The following CD300A variants were observed in gnomAD, a reference collection of about 807,000 sequenced individuals.
The protein encoded by CD300A is CD300a molecule.
A neutral mutation model predicts 33.6 loss-of-function variants in CD300A; 22 were observed. The observed-to-expected ratio is 0.66, with a 90% CI of 0.47 to 0.94. The LOEUF (loss-of-function observed/expected upper bound fraction) is 0.94, where lower values mean the gene tolerates loss of function less well. Ranked by LOEUF, CD300A falls within the 40% of genes least tolerant of loss-of-function variation. CD300A has a pLI of 0.00. For missense variants in CD300A, 326 were observed against 360.5 expected (o/e 0.90, Z 0.77); for synonymous variants, 136 against 148.1 (o/e 0.92, Z 0.59).
At chr17:74,466,989 A>G in intron 1 of CD300A, 2 of 1,400,244 alleles carry the variant, frequency 1.4e-6, no homozygotes, top group East Asian at 2.6e-5. Context: ...GGCAAGTGAT[A>G]AGGGGTGGGT....
intron 4 of CD300A, among the ~76,000 whole-genome samples, chr17:74,479,043 T>TC (rs1906662367): frequency 6.6e-6 from 1 of 151,950 alleles, no homozygotes; most frequent in South Asian, 2.1e-4. Context: ...AAGAGCCTCC[T>TC]CCCCCCTTGA....
In CD300A at chr17:74,484,282, C is replaced by T; in HGVS notation, c.*156C>T. 1 of 773,686 alleles carries T rather than the reference C, an allele frequency of 1.3e-6. No individual in the cohort carries two copies. The highest frequency in any genetic ancestry group is 2.0e-6 in the Non-Finnish European group (1 of 500,252). 47.9% of individuals were successfully genotyped at this position (773,686 alleles called of 1,614,324 possible). On this transcript the variant is annotated 3_prime_UTR_variant, in exon 7 of 7. Transcript: ENST00000360141. ...TCCCAGGCCATCCCTCTGTTGCCAT[C>T]AGCTTGATTGGCTTCCCCGAGGGCC...
chr17:74,472,475 A>C (rs1329763541), intron 1 of CD300A, among the ~76,000 whole-genome samples: 1 of 152,146 alleles, frequency 6.6e-6, no homozygotes, highest in African/African-American at 2.4e-5. Flanking sequence ...TGCATCTGAT[A>C]ATTATTTGGG....
At chr17:74,476,871 G>A (rs893153442) in intron 3 of CD300A, among the ~76,000 whole-genome samples, 2 of 152,172 alleles carry the variant, frequency 1.3e-5, no homozygotes, top group African/African-American at 2.4e-5. Context: ...AGTGTTAGAC[G>A]AGGCCTCCTT....
At chr17:74,481,874 G>T in intron 6 of CD300A, 41 bp downstream of exon 6, 2 of 1,480,524 alleles carry the variant, frequency 1.4e-6, no homozygotes, top group Middle Eastern at 2.0e-4. Context: ...CGGCCCCTGG[G>T]CTGTGCCAGG....
Position 74,475,414 on chromosome 17 carries a change from G to A in CD300A, c.533+729G>A, listed in dbSNP as rs201469960. 2.2e-4 allele frequency among the ~76,000 whole-genome samples: 34 copies of A among 152,240 alleles called. 1 individual carries two copies. The East Asian group carries it at 3.9e-3, about 17-fold the overall frequency. On this transcript the variant is annotated intron_variant, in intron 3 of 6. Transcript: ENST00000360141. ...ACAGATGAGTAAACTGAGACTCAGC[G>A]AGGTGAAGCAATTTGCCCAGTCAAG...
At chr17:74,477,116 C>T (rs1424240001) in intron 3 of CD300A, among the ~76,000 whole-genome samples, 1 of 152,062 alleles carries the variant, frequency 6.6e-6, no homozygotes, top group African/African-American at 2.4e-5. Flanking sequence ...CCTGTCATCC[C>T]AGCATTTTGG....
In CD300A at chr17:74,478,041, C is replaced by A. The variant is rs182886799; in HGVS notation, c.628+511C>A. On this transcript the variant is annotated intron_variant, in intron 4 of 6. Coordinates refer to ENST00000360141, the MANE Select transcript of CD300A (RefSeq NM_007261.4). ...GATCTGGCTCTACCCACCTCCCTCTCCCCATCCGCGCACCCTGGAAACCAA... is the reference window on the plus strand; with the variant it reads ...GATCTGGCTCTACCCACCTCCCTCTACCCATCCGCGCACCCTGGAAACCAA... 5.4e-4 allele frequency among the ~76,000 whole-genome samples: 83 copies of A among 152,324 alleles called. 1 individual carries two copies. The highest frequency in any genetic ancestry group is 1.8e-3 in the African/African-American group (75 of 41,570).
At position 74,481,892 on chromosome 17, in the gene CD300A, T is replaced by C. The variant is rs1336315301; in HGVS notation, c.774+59T>C. 2.1e-4 allele frequency: 196 copies of C among 935,516 alleles called. 1 individual carries two copies. The highest frequency in any genetic ancestry group is 2.8e-5 in the Admixed American group (1 of 35,144). The allele number at this position is 935,516 out of a possible 1,614,324, so 58.0% of individuals were successfully genotyped here. ...CCCCTGGGCTGTGCCAGGGCACCCC[T>C]GGGAGGGTGGGCAGAAGGGGAAGGA... On this transcript the variant is annotated intron_variant, in intron 6 of 6. Transcript: ENST00000360141.
At position 74,481,827 on chromosome 17, in the gene CD300A, C is replaced by T; in HGVS notation, c.768C>T (p.Ser256=). ...CAAGGGAGGTGGAGGTGGAATACAGCACTGTGGTAAGTGCAGGAGCCCGGC... is the reference window on the plus strand; with the variant it reads ...CAAGGGAGGTGGAGGTGGAATACAGTACTGTGGTAAGTGCAGGAGCCCGGC... The part of the protein sequence containing the change: ...APPREVEVEY[S]TVASPREELH... The change falls in exon 6 of 7, where the codon AGC becomes AGT. Residue 256 remains serine (S), a synonymous_variant. Coordinates refer to ENST00000360141, the MANE Select transcript of CD300A (RefSeq NM_007261.4). The T allele has an allele frequency of 1.9e-6, 3 of 1,609,622 alleles. No homozygotes were observed. Among genetic ancestry groups the T allele is most frequent in the East Asian group, 2.2e-5 (1 of 44,754 alleles).
intron 1 of CD300A, among the ~76,000 whole-genome samples, chr17:74,472,243 A>AG (rs1906155264): frequency 6.6e-6 from 1 of 150,992 alleles, no homozygotes; most frequent in Admixed American, 6.6e-5. Flanking sequence ...ATCTCAAAAA[A>AG]AAAAAAAAAT....
At chr17:74,471,418 T>C (rs905828259) in intron 1 of CD300A, among the ~76,000 whole-genome samples, 2 of 152,210 alleles carry the variant, frequency 1.3e-5, no homozygotes, top group African/African-American at 2.4e-5. Flanking sequence ...AGCCATTTCA[T>C]GTGATTCAAC....
chr17:74,470,582 C>T (rs1235346942), intron 1 of CD300A, among the ~76,000 whole-genome samples: 1 of 152,014 alleles, frequency 6.6e-6, no homozygotes, highest in Non-Finnish European at 1.5e-5. Context: ...CCAGGAGAGG[C>T]AGGGAATCGG....
At chr17:74,466,928 C>T (rs569134620) in intron 1 of CD300A, 185 bp downstream of exon 1, 6 of 1,447,528 alleles carry the variant, frequency 4.1e-6, no homozygotes, top group African/African-American at 1.4e-5. Context: ...GAGGAAGGAG[C>T]CAGGGCCTCT....
chr17:74,478,129 C>G (rs1187916941), intron 4 of CD300A, among the ~76,000 whole-genome samples: 1 of 152,200 alleles, frequency 6.6e-6, no homozygotes, highest in East Asian at 1.9e-4. Flanking sequence ...TGGGTTTGCT[C>G]TGGGCTGGAG....
chr17:74,472,584 C>T (rs1184764354), intron 1 of CD300A, among the ~76,000 whole-genome samples: 1 of 151,108 alleles, frequency 6.6e-6, no homozygotes, highest in East Asian at 1.9e-4. Flanking sequence ...TGAAAGTTTT[C>T]GTCAGCAAGC....
At chr17:74,474,713 A>AG (rs779966637) in intron 3 of CD300A, 28 bp downstream of exon 3, 7 of 1,611,048 alleles carry the variant, frequency 4.3e-6, no homozygotes, top group Middle Eastern at 1.7e-4. Context: ...TGAGACATGG[A>AG]GGGGGCCCTG....
intron 3 of CD300A, among the ~76,000 whole-genome samples, chr17:74,475,660 TC>T (rs533800860): frequency 8.5e-5 from 13 of 152,096 alleles, no homozygotes; most frequent in Non-Finnish European, 1.8e-4. Context: ...CACAATTCCA[TC>T]CTGGCACTAT....
Position 74,481,946 on chromosome 17 carries a change from T to C in CD300A, c.774+113T>C, listed in dbSNP as rs548519353. On this transcript the variant is annotated intron_variant, in intron 6 of 6. Coordinates refer to ENST00000360141, the MANE Select transcript of CD300A (RefSeq NM_007261.4). ...GGTCGGCTTGGTGATCTTGTGCCTG[T>C]CAGGGACAGGGCCACATGGAGATGG... 76 of 730,910 alleles carry C rather than the reference T, an allele frequency of 1.0e-4. 1 individual carries two copies. In the Middle Eastern group the frequency reaches 1.1e-3, roughly 11 times the overall value. The allele number at this position is 730,910 out of a possible 1,614,324, so 45.3% of individuals were successfully genotyped here.
Sources: allele counts gnomAD v4.1 joint callset (sites outside exome capture counted in the v4.1 genomes callset), GRCh38; gene constraint gnomAD v4.1.1; transcripts MANE v1.5; gene names NCBI Gene and HGNC (gene_info 2026-07-23, HGNC 2026-07-21).